The following NCBP3 variants were observed in gnomAD, a reference collection of about 807,000 sequenced individuals.
NCBP3 encodes the protein nuclear cap binding subunit 3.
NCBP3 carries 20 observed loss-of-function variants against 75.7 expected under a neutral mutation model. The ratio of observed to expected loss-of-function variants is 0.26; its 90% CI spans 0.19 to 0.38. The LOEUF is 0.38. NCBP3 is among the 10% of genes least tolerant of loss of function. The pLI is 1.00. For synonymous variants in NCBP3, 293 were observed against 290.5 expected (o/e 1.01, Z -0.09); for missense variants, 678 against 796.9 (o/e 0.85, Z 1.80).
At chr17:3,835,937 C>T (rs973552133) in intron 3 of NCBP3, among the ~76,000 whole-genome samples, 5 of 152,206 alleles carry the variant, frequency 3.3e-5, no homozygotes, top group Non-Finnish European at 5.9e-5. Flanking sequence ...TGAACCTCAG[C>T]CTTGCTACTT....
Position 3,807,929 on chromosome 17 carries a change from G to A in NCBP3, c.*5115C>T, listed in dbSNP as rs1232438035. The A allele has an allele frequency of 6.6e-6, 1 of 152,164 alleles. No homozygotes were observed. Among genetic ancestry groups the A allele is most frequent in the African/African-American group, 2.4e-5 (1 of 41,422 alleles). The allele number at this position is 152,164 out of a possible 1,614,324, so 9.4% of individuals were successfully genotyped here. A position where few individuals can be genotyped will look rare whatever the true frequency, so the allele number is the denominator to read the frequency against. ...ACAGTCCAGTGTAGAGGTGTGCAGG[G>A]TTGTGGGGTACAGTGATTTGGCATT... On this transcript the variant is annotated 3_prime_UTR_variant, in exon 13 of 13. Transcript: ENST00000389005.
At chr17:3,825,721 C>A in intron 6 of NCBP3, 46 bp downstream of exon 6, 1 of 1,401,710 alleles carries the variant, frequency 7.1e-7, no homozygotes, top group African/African-American at 1.4e-5. Context: ...AGACAGTGAG[C>A]AATTTTTTAC....
In NCBP3 at chr17:3,818,040, G is replaced by A. The variant is rs2053580886; in HGVS notation, c.1310+223C>T. Among the ~76,000 whole-genome samples, 1 of 152,054 alleles carries A rather than the reference G, an allele frequency of 6.6e-6. No homozygotes were observed. Among genetic ancestry groups the A allele is most frequent in the East Asian group, 1.9e-4 (1 of 5,192 alleles). ...AATTGCTAACAGTAGTTATTGTTGA[G>A]AAAGAATGGGAATACAGATGATTTT... is the stretch of plus-strand genomic sequence containing the variant. On this transcript the variant is annotated intron_variant, in intron 10 of 12. Transcript: ENST00000389005. This position sits in a 1 kb window ranked among gnomAD's most constrained non-coding sequence, Gnocchi z 4.7.
chr17:3,822,107 T>A (rs1315732047), intron 7 of NCBP3, 55 bp from the exon 8 acceptor site: 1 of 1,249,172 alleles, frequency 8.0e-7, no homozygotes, highest in African/African-American at 1.5e-5. Flanking sequence ...AAAGACAATG[T>A]TGAATTTTTT....
chr17:3,831,021 C>T (rs979024934), intron 3 of NCBP3, among the ~76,000 whole-genome samples: 5 of 151,570 alleles, frequency 3.3e-5, no homozygotes, highest in Admixed American at 2.0e-4. Flanking sequence ...AAGCTATTCT[C>T]CCGTCTAAGC....
chr17:3,814,544 G>C (rs1252698042), intron 11 of NCBP3, 61 bp from the exon 12 acceptor site: 2 of 1,569,328 alleles, frequency 1.3e-6, no homozygotes. Flanking sequence ...GGCACCAGCC[G>C]CCTGACACCT....
chr17:3,831,038 A>G (rs1465825789), intron 3 of NCBP3, among the ~76,000 whole-genome samples: 1 of 151,490 alleles, frequency 6.6e-6, no homozygotes, highest in Non-Finnish European at 1.5e-5. Flanking sequence ...AAGCCTCCCA[A>G]GTAGCTGGGA....
Position 3,812,906 on chromosome 17 carries a change from C to T in NCBP3, c.*138G>A, listed in dbSNP as rs540919596. The T allele has an allele frequency of 5.0e-5, 74 of 1,471,692 alleles. 1 individual carries two copies. In the South Asian group the frequency reaches 1.0e-3, roughly 20 times the overall value. 91.2% of individuals were successfully genotyped at this position (1,471,692 alleles called of 1,614,324 possible). On this transcript the variant is annotated 3_prime_UTR_variant, in exon 13 of 13. Transcript: ENST00000389005. ...GTGTCACATTCTTAAGATGTCTTGCCGAAGTAGCAAGAGCGGAGGGTGACT... is the reference window on the plus strand; with the variant it reads ...GTGTCACATTCTTAAGATGTCTTGCTGAAGTAGCAAGAGCGGAGGGTGACT...
intron 3 of NCBP3, among the ~76,000 whole-genome samples, chr17:3,838,314 C>T (rs1332516015): frequency 1.3e-5 from 2 of 152,220 alleles, no homozygotes; most frequent in African/African-American, 4.8e-5. Flanking sequence ...GGAATGCTCT[C>T]GGGACCAGAG....
intron 4 of NCBP3, among the ~76,000 whole-genome samples, chr17:3,826,588 A>G (rs1445100482): frequency 6.6e-6 from 1 of 151,934 alleles, no homozygotes; most frequent in Non-Finnish European, 1.5e-5. Context: ...CCAAGGTCAC[A>G]CCACTGCACT....
rs1054579211 is a variant in NCBP3, at chr17:3,808,003, A to T, written c.*5041T>A. 6.6e-6 allele frequency: 1 copy of T among 152,184 alleles called. No homozygotes were observed. The highest frequency in any genetic ancestry group is 1.5e-5 in the Non-Finnish European group (1 of 68,022). The allele number at this position is 152,184 out of a possible 1,614,324, so 9.4% of individuals were successfully genotyped here. A position where few individuals can be genotyped will look rare whatever the true frequency, so the allele number is the denominator to read the frequency against. On this transcript the variant is annotated 3_prime_UTR_variant, in exon 13 of 13. Coordinates refer to ENST00000389005, the MANE Select transcript of NCBP3 (RefSeq NM_001114118.3). Reference sequence around the variant, plus strand: ...AATGGTATTTGTCTGAAAAAGATTTAAAAAAAGAAAAACAAATCAGTTGTT... The same window carrying T: ...AATGGTATTTGTCTGAAAAAGATTTTAAAAAAGAAAAACAAATCAGTTGTT...
chr17:3,833,494 C>T (rs1361164618), intron 3 of NCBP3, among the ~76,000 whole-genome samples: 1 of 151,968 alleles, frequency 6.6e-6, no homozygotes, highest in East Asian at 1.9e-4. Flanking sequence ...TTGATGTGTA[C>T]GACTTTCCCT....
intron 3 of NCBP3, among the ~76,000 whole-genome samples, chr17:3,831,518 A>G (rs2053878614): frequency 1.5e-5 from 2 of 136,084 alleles, no homozygotes; most frequent in Non-Finnish European, 3.4e-5. Context: ...GCTTGCAGTG[A>G]GCCAAAATCG....
chr17:3,834,909 T>C (rs1185943608), intron 3 of NCBP3, among the ~76,000 whole-genome samples: 1 of 152,056 alleles, frequency 6.6e-6, no homozygotes, highest in Non-Finnish European at 1.5e-5. Context: ...ATTCAGAGAA[T>C]ACATAGACGG....
At chr17:3,814,247 A>T in intron 12 of NCBP3, 75 bp downstream of exon 12, 1 of 1,477,656 alleles carries the variant, frequency 6.8e-7, no homozygotes, top group Non-Finnish European at 9.2e-7. Flanking sequence ...CTGCTAAGAA[A>T]GTATTTCTCC....
intron 3 of NCBP3, among the ~76,000 whole-genome samples, chr17:3,830,995 T>A (rs954797514): frequency 1.3e-5 from 2 of 151,132 alleles, no homozygotes; most frequent in Non-Finnish European, 2.9e-5. Flanking sequence ...CACTGCAACC[T>A]CTGCCTCCCA....
chr17:3,825,675 A>G, intron 6 of NCBP3, 92 bp downstream of exon 6: 1 of 897,596 alleles, frequency 1.1e-6, no homozygotes, highest in Non-Finnish European at 1.7e-6. Flanking sequence ...AAGCTAGAGA[A>G]AAAACGTAAC....
At chr17:3,838,227 G>C (rs2054008992) in intron 3 of NCBP3, among the ~76,000 whole-genome samples, 1 of 152,222 alleles carries the variant, frequency 6.6e-6, no homozygotes, top group African/African-American at 2.4e-5. Context: ...CACCTGACCA[G>C]AGATAAAGCA....
At chr17:3,837,905 C>T (rs967344209) in intron 3 of NCBP3, among the ~76,000 whole-genome samples, 2 of 151,966 alleles carry the variant, frequency 1.3e-5, no homozygotes, top group African/African-American at 2.4e-5. Context: ...GCAAGCTTCC[C>T]CAGCTGACAT....
Sources: gnomAD v4.1 joint callset for allele counts (sites outside exome capture counted in the v4.1 genomes callset) on GRCh38, gnomAD v4.1.1 for gene constraint, Gnocchi (gnomAD v3.1) non-coding constraint, MANE v1.5 for transcripts, NCBI Gene and HGNC (gene_info 2026-07-23, HGNC 2026-07-21) for gene names.